RP1: variants seen among roughly 807,000 people sequenced by gnomAD.
RP1 encodes the protein oxygen-regulated protein 1.
RP1 carries 16 observed loss-of-function variants against 14.8 expected under a neutral mutation model. The observed-to-expected ratio is 1.08, with a 90% CI of 0.73 to 1.65. The LOEUF is 1.65. Among genes scored for constraint, RP1 ranks in the 40% most tolerant of loss-of-function variants. The probability of loss-of-function intolerance (pLI) is 0.00; values close to 1 mark genes in which losing one functional copy is unlikely to be tolerated. For missense variants in RP1, 2,631 were observed against 2,535.0 expected (o/e 1.04, Z -0.81); for synonymous variants, 876 against 883.6 (o/e 0.99, Z 0.15).
At chr8:54,749,671 T>G (rs1003925473) in intron 19 of RP1, among the ~76,000 whole-genome samples, 3 of 152,076 alleles carry the variant, frequency 2.0e-5, no homozygotes, top group Non-Finnish European at 4.4e-5. Flanking sequence ...ATGGCCTCCT[T>G]TTTCTTAAAA....
chr8:54,669,899 G>A (rs1235206465), intron 7 of RP1, among the ~76,000 whole-genome samples: 2 of 152,048 alleles, frequency 1.3e-5, no homozygotes, highest in East Asian at 3.9e-4. Context: ...GAAGGGGGAG[G>A]GATAGCATTA....
intron 1 of RP1, among the ~76,000 whole-genome samples, chr8:54,601,843 TGGC>T (rs1433628844): frequency 6.6e-6 from 1 of 152,234 alleles, no homozygotes; most frequent in Non-Finnish European, 1.5e-5. Context: ...AGATCACATA[TGGC>T]ATGACTCCAT....
At chr8:54,719,108 T>C (rs1808475602) in intron 15 of RP1, among the ~76,000 whole-genome samples, 1 of 152,180 alleles carries the variant, frequency 6.6e-6, no homozygotes, top group African/African-American at 2.4e-5. Flanking sequence ...TTCTGTATTG[T>C]TCAGCATCAT....
Position 54,625,684 on chromosome 8 carries a change from C to G in RP1, c.1802C>G (p.Thr601Ser), listed in dbSNP as rs781715652. The change falls in exon 4 of 4, where the codon ACC (threonine) becomes AGC (serine). Residue 601 changes from threonine to serine, a missense_variant. By Grantham distance (58) the Thr-to-Ser change is moderately conservative. Coordinates refer to ENST00000220676, the MANE Select transcript of RP1 (RefSeq NM_006269.2). ...GIKNFKTYGN[T>S]NDRFSPISAD... ...AAGAACTTCAAAACTTATGGTAACA[C>G]CAATGATAGGTTCAGTCCTATTTCA... The G allele has an allele frequency of 6.2e-7, 1 of 1,614,028 alleles. No homozygotes were observed. The highest frequency in any genetic ancestry group is 1.1e-5 in the South Asian group (1 of 91,068).
chr8:54,753,453 C>T (rs147976356), intron 19 of RP1, among the ~76,000 whole-genome samples: 148 of 152,058 alleles, frequency 9.7e-4, no homozygotes, highest in African/African-American at 3.3e-3. Context: ...TGAACCAAAC[C>T]GAGGGCTCAC....
chr8:54,643,365 C>T (rs574659569), intron 3 of RP1, among the ~76,000 whole-genome samples: 1 of 152,302 alleles, frequency 6.6e-6, no homozygotes, highest in South Asian at 2.1e-4. Context: ...GATAATTCCA[C>T]CATTCCTGGC....
In RP1 at chr8:54,576,334, C is replaced by A. The variant is rs140966978; in HGVS notation, c.-13+17014C>A. 1.5e-4 allele frequency among the ~76,000 whole-genome samples: 23 copies of A among 152,332 alleles called. 1 individual carries two copies. In the East Asian group the frequency reaches 4.4e-3, roughly 29 times the overall value. ...TGCTGGGATTACAGGCGTGAGCCAC[C>A]GCGCCCGGCCAGAACATGTCAGACT... On this transcript the variant is annotated intron_variant, in intron 1 of 22. Coordinates refer to the RP1 transcript ENST00000636932.
At chr8:54,654,053 A>C (rs1416426134) in intron 5 of RP1, among the ~76,000 whole-genome samples, 1 of 152,180 alleles carries the variant, frequency 6.6e-6, no homozygotes, top group Non-Finnish European at 1.5e-5. Flanking sequence ...GTATTCTCTC[A>C]CTGCAAGGGA....
At chr8:54,582,137 T>A (rs900941957) in intron 1 of RP1, among the ~76,000 whole-genome samples, 1 of 152,230 alleles carries the variant, frequency 6.6e-6, no homozygotes, top group Non-Finnish European at 1.5e-5. Flanking sequence ...TGGTTTTAGG[T>A]CTAACATTTA....
intron 27 of RP1, among the ~76,000 whole-genome samples, chr8:54,865,359 T>C (rs1172276672): frequency 6.6e-6 from 1 of 151,754 alleles, no homozygotes; most frequent in Non-Finnish European, 1.5e-5. Flanking sequence ...TCCTCCCTTC[T>C]TCCCTCCTTC....
intron 15 of RP1, chr8:54,706,707 T>C: frequency 1.3e-6 from 2 of 1,516,788 alleles, no homozygotes; most frequent in Non-Finnish European, 1.8e-6. Flanking sequence ...ATTTGCCAGT[T>C]GTAGACATGA....
chr8:54,722,580 A>G (rs999917870), intron 16 of RP1, among the ~76,000 whole-genome samples: 5 of 152,128 alleles, frequency 3.3e-5, no homozygotes, highest in Admixed American at 2.0e-4. Context: ...TTGAGCCTAC[A>G]CTATGCCAAA....
At chr8:54,562,621 C>T (rs982054938) in intron 1 of RP1, among the ~76,000 whole-genome samples, 82 of 151,882 alleles carry the variant, frequency 5.4e-4, no homozygotes, top group African/African-American at 1.9e-3. Context: ...TTGCAGTGAA[C>T]CGAGATGGTG....
chr8:54,862,004 G>C (rs1563399450), intron 27 of RP1, among the ~76,000 whole-genome samples: 1 of 152,136 alleles, frequency 6.6e-6, no homozygotes, highest in Non-Finnish European at 1.5e-5. Context: ...ATGTCTGGAG[G>C]CTGTTTTGGT....
At chr8:54,670,796 G>T (rs1486138883) in intron 7 of RP1, among the ~76,000 whole-genome samples, 2 of 146,024 alleles carry the variant, frequency 1.4e-5, no homozygotes, top group African/African-American at 2.5e-5. Flanking sequence ...ACTCTATTTT[G>T]TCTGATATAA....
At chr8:54,763,640 A>C (rs1160279259) in intron 22 of RP1, among the ~76,000 whole-genome samples, 1 of 152,200 alleles carries the variant, frequency 6.6e-6, no homozygotes, top group East Asian at 1.9e-4. Flanking sequence ...ATAGTGTGCC[A>C]TTGAACTCCA....
chr8:54,751,104 T>G (rs1809359091), intron 19 of RP1, among the ~76,000 whole-genome samples: 1 of 152,208 alleles, frequency 6.6e-6, no homozygotes, highest in Non-Finnish European at 1.5e-5. Context: ...ATTCTTGAAG[T>G]CAGTGAGACC....
intron 1 of RP1, among the ~76,000 whole-genome samples, chr8:54,589,334 G>A (rs1804995289): frequency 6.6e-6 from 1 of 152,030 alleles, no homozygotes; most frequent in African/African-American, 2.4e-5. Context: ...TTTTTTTGGG[G>A]GAGAGGGTAA....
At chr8:54,813,629 T>G (rs1001610408) in intron 24 of RP1, among the ~76,000 whole-genome samples, 2 of 152,246 alleles carry the variant, frequency 1.3e-5, no homozygotes, top group Non-Finnish European at 2.9e-5. Flanking sequence ...GTGGAAATAT[T>G]CTATAAATAT....
Sources: allele counts gnomAD v4.1 joint callset (sites outside exome capture counted in the v4.1 genomes callset), GRCh38; gene constraint gnomAD v4.1.1; transcripts MANE v1.5; gene names NCBI Gene and HGNC (gene_info 2026-07-23, HGNC 2026-07-21).